Variants in CDKN2B-AS1 observed in about 807,000 individuals in gnomAD.
CDKN2B-AS1 encodes the protein CDKN2B antisense RNA 1 (non-protein coding).
rs1272195798 is a variant in CDKN2B-AS1, at chr9:21,995,195, G to T, written n.29+34G>T. On this transcript the variant is annotated intron_variant and non_coding_transcript_variant, in intron 1 of 4. Coordinates refer to ENST00000650946, the Ensembl canonical transcript of CDKN2B-AS1. The surrounding 1 kb of genome is among the most constrained non-coding windows in gnomAD (Gnocchi z 5.7). ...AGTCGCACCCGGGGGTCCCAGCTGG[G>T]TCCGGGCGCCCATTCCCCTCCCAGC... The T allele has an allele frequency of 6.6e-6, 1 of 152,222 alleles. No individual in the cohort carries two copies. The highest frequency in any genetic ancestry group is 2.4e-5 in the African/African-American group (1 of 41,474). 9.4% of individuals were successfully genotyped at this position (152,222 alleles called of 1,614,324 possible).
exon 5 of CDKN2B-AS1, among the ~76,000 whole-genome samples, chr9:22,127,508 A>G (rs760318138): frequency 1.3e-5 from 2 of 152,238 alleles, no homozygotes; most frequent in East Asian, 1.9e-4. Flanking sequence ...TAGTGAGCTT[A>G]CAAGAGCTTT....
intron 4 of CDKN2B-AS1, chr9:22,066,395 A>G (rs974150872): frequency 2.6e-5 from 4 of 151,524 alleles, no homozygotes; most frequent in African/African-American, 4.8e-5. Flanking sequence ...GGTTCTCACT[A>G]TGTTGCCCAG....
In CDKN2B-AS1 at chr9:22,008,707, C is replaced by T. The variant is rs372045410; in HGVS notation, n.29+13546C>T. ...CAACGGAGACTCCTGTACAAATCTACATCGGCGATCTAGGTTCCAGCCCCG... is the reference window on the plus strand; with the variant it reads ...CAACGGAGACTCCTGTACAAATCTATATCGGCGATCTAGGTTCCAGCCCCG... On this transcript the variant is annotated intron_variant and non_coding_transcript_variant, in intron 1 of 4. Transcript: ENST00000650946. 22 of 1,611,482 alleles carry T rather than the reference C, an allele frequency of 1.4e-5. No individual in the cohort carries two copies. The African/African-American group carries it at 2.9e-4, about 21-fold the overall frequency.
At chr9:22,125,096 A>G (rs1426490609) in intron 4 of CDKN2B-AS1, among the ~76,000 whole-genome samples, 2 of 152,244 alleles carry the variant, frequency 1.3e-5, no homozygotes, top group African/African-American at 2.4e-5. Context: ...TTTAAGATAC[A>G]TCTCATTTTT....
intron 4 of CDKN2B-AS1, among the ~76,000 whole-genome samples, chr9:22,062,937 G>A (rs1335824565): frequency 2.7e-5 from 4 of 150,596 alleles, no homozygotes; most frequent in African/African-American, 9.8e-5. Flanking sequence ...TGCCTTTGAG[G>A]AGATAAGAAA....
intron 1 of CDKN2B-AS1, among the ~76,000 whole-genome samples, chr9:22,013,390 A>G (rs1328980240): frequency 6.6e-6 from 1 of 152,212 alleles, no homozygotes; most frequent in African/African-American, 2.4e-5. Flanking sequence ...AAGGATTAAA[A>G]TAAGGCTAGG....
At chr9:22,033,170 C>G (rs966975753) in intron 1 of CDKN2B-AS1, among the ~76,000 whole-genome samples, 8 of 152,232 alleles carry the variant, frequency 5.3e-5, no homozygotes, top group Admixed American at 5.2e-4. Flanking sequence ...GAGCACCCCC[C>G]ACCCACCTGC....
At chr9:22,055,619 T>C (rs1461759441) in intron 3 of CDKN2B-AS1, among the ~76,000 whole-genome samples, 3 of 152,192 alleles carry the variant, frequency 2.0e-5, no homozygotes, top group Non-Finnish European at 1.5e-5. Context: ...TTTTCTGTGA[T>C]TGATCTTTTT....
intron 4 of CDKN2B-AS1, chr9:22,065,587 G>A (rs955258215): frequency 2.0e-5 from 3 of 152,168 alleles, no homozygotes; most frequent in African/African-American, 7.2e-5. Flanking sequence ...TTTTTGTTAA[G>A]GTAGCTCCCA....
chr9:22,079,205 C>T (rs1824605436), intron 4 of CDKN2B-AS1, among the ~76,000 whole-genome samples: 1 of 152,090 alleles, frequency 6.6e-6, no homozygotes, highest in African/African-American at 2.4e-5. Context: ...GAAAAGTGGC[C>T]GGGTGCAGTG....
At chr9:22,081,802 T>G (rs1331152769) in intron 4 of CDKN2B-AS1, among the ~76,000 whole-genome samples, 1 of 152,226 alleles carries the variant, frequency 6.6e-6, no homozygotes, top group Non-Finnish European at 1.5e-5. Flanking sequence ...AGGGAAAATG[T>G]AGAAAGGAAG....
intron 4 of CDKN2B-AS1, among the ~76,000 whole-genome samples, chr9:22,094,949 A>G (rs1825222966): frequency 7.0e-6 from 1 of 143,530 alleles, no homozygotes; most frequent in African/African-American, 2.9e-5. Flanking sequence ...GGTTTTATCT[A>G]CCTTTGGTGT....
intron 1 of CDKN2B-AS1, chr9:22,004,330 T>C (rs556056796): frequency 3.0e-4 from 69 of 232,368 alleles, no homozygotes; most frequent in Non-Finnish European, 4.7e-4. Context: ...TCCTTTTTTC[T>C]CTTTTAAATG....
intron 1 of CDKN2B-AS1, among the ~76,000 whole-genome samples, chr9:22,041,470 A>G (rs1029005149): frequency 6.6e-5 from 10 of 152,114 alleles, no homozygotes; most frequent in African/African-American, 2.4e-4. Context: ...TGACAATATC[A>G]TATATGCATA....
chr9:22,052,928 A>C (rs1328037472), intron 3 of CDKN2B-AS1, among the ~76,000 whole-genome samples: 2 of 152,212 alleles, frequency 1.3e-5, no homozygotes, highest in African/African-American at 4.8e-5. Flanking sequence ...ATTGTAGTTC[A>C]TGAAACCAAT....
At position 22,011,274 on chromosome 9, in the gene CDKN2B-AS1, G is replaced by A. The variant is rs368056993; in HGVS notation, n.29+16113G>A. 1.6e-3 allele frequency among the ~76,000 whole-genome samples: 239 copies of A among 152,248 alleles called. 4 individuals are homozygous for A. Among genetic ancestry groups the A allele is most frequent in the South Asian group, 0.015 (71 of 4,822 alleles). On this transcript the variant is annotated intron_variant and non_coding_transcript_variant, in intron 1 of 4. Transcript: ENST00000650946. The stretch of plus-strand genomic sequence containing the variant: ...TTGAAAAACCAACCTGCTCAACCTG[G>A]TTTTCAAATATGATTGGATTTTATC...
intron 4 of CDKN2B-AS1, among the ~76,000 whole-genome samples, chr9:22,069,383 T>C (rs535734909): frequency 6.6e-6 from 1 of 152,282 alleles, no homozygotes; most frequent in African/African-American, 2.4e-5. Flanking sequence ...GAATATAGAT[T>C]AGTGACAAAA....
intron 4 of CDKN2B-AS1, among the ~76,000 whole-genome samples, chr9:22,103,213 C>G (rs1052254813): frequency 1.4e-5 from 2 of 145,046 alleles, no homozygotes; most frequent in African/African-American, 5.1e-5. Flanking sequence ...GCCCAGAAAA[C>G]CATACCCACT....
At position 22,047,827 on chromosome 9, in the gene CDKN2B-AS1, C is replaced by T. The variant is rs542168193; in HGVS notation, n.179+927C>T. ...TTTTAGACAGGGAATCATTCTGTTG[C>T]CCAGGCTGTAATGCAGTGGCACAAT... is the stretch of plus-strand genomic sequence containing the variant. On this transcript the variant is annotated intron_variant and non_coding_transcript_variant, in intron 2 of 4. Coordinates refer to ENST00000650946, the Ensembl canonical transcript of CDKN2B-AS1. 5.2e-3 allele frequency among the ~76,000 whole-genome samples: 790 copies of T among 151,446 alleles called. 8 individuals are homozygous for T. Among genetic ancestry groups the T allele is most frequent in the African/African-American group, 0.018 (737 of 41,270 alleles).
Sources: gnomAD v4.1 joint callset for allele counts (sites outside exome capture counted in the v4.1 genomes callset) on GRCh38, gnomAD v4.1.1 for gene constraint, Gnocchi (gnomAD v3.1) non-coding constraint, MANE v1.5 for transcripts, NCBI Gene and HGNC (gene_info 2026-07-23, HGNC 2026-07-21) for gene names.